FHIT: variants seen among roughly 807,000 people sequenced by gnomAD.
FHIT encodes fragile histidine triad diadenosine triphosphatase.
In FHIT, 19 loss-of-function variants were observed where a neutral mutation model predicts 17.9. The ratio of observed to expected loss-of-function variants is 1.06; its 90% CI spans 0.74 to 1.56. The LOEUF (loss-of-function observed/expected upper bound fraction) is 1.56, where lower values mean the gene tolerates loss of function less well. FHIT is among the 40% of genes most tolerant of loss of function. FHIT has a pLI of 0.00. For missense variants in FHIT, 248 were observed against 189.2 expected, an observed-to-expected ratio of 1.31 and a Z score of -1.82; for synonymous variants, 81 against 69.7, an observed-to-expected ratio of 1.16 and a Z score of -0.81.
chr3:60,052,760 G>T (rs1701932421), intron 5 of FHIT, among the ~76,000 whole-genome samples: 1 of 147,566 alleles, frequency 6.8e-6, no homozygotes. Context: ...TATACATAGT[G>T]TATATAAATA....
At chr3:60,158,789 C>T (rs1700815917) in intron 5 of FHIT, among the ~76,000 whole-genome samples, 1 of 152,126 alleles carries the variant, frequency 6.6e-6, no homozygotes, top group Admixed American at 6.5e-5. Flanking sequence ...AAAATTATCC[C>T]CACTTTGTGA....
intron 8 of FHIT, among the ~76,000 whole-genome samples, chr3:59,828,162 T>G (rs1359109833): frequency 6.6e-6 from 1 of 152,206 alleles, no homozygotes; most frequent in Non-Finnish European, 1.5e-5. Flanking sequence ...AAAGAAATAG[T>G]GGTTTTATTT....
At chr3:60,329,113 AT>A (rs1264028161) in intron 5 of FHIT, among the ~76,000 whole-genome samples, 1 of 152,240 alleles carries the variant, frequency 6.6e-6, no homozygotes, top group East Asian at 1.9e-4. Context: ...GATGAGAACC[AT>A]GACAAATAGT....
intron 2 of FHIT, among the ~76,000 whole-genome samples, chr3:61,058,532 G>C (rs1300288336): frequency 6.6e-6 from 1 of 152,136 alleles, no homozygotes; most frequent in African/African-American, 2.4e-5. Flanking sequence ...CCTCCTTGCT[G>C]TTCTCGCAAT....
intron 2 of FHIT, among the ~76,000 whole-genome samples, chr3:61,067,771 AG>A (rs2034662531): frequency 6.6e-6 from 1 of 152,188 alleles, no homozygotes; most frequent in African/African-American, 2.4e-5. Flanking sequence ...GAGATGGTCA[AG>A]GGCCAGTCTT....
chr3:60,684,403 C>G (rs968418162), intron 4 of FHIT, among the ~76,000 whole-genome samples: 3 of 152,132 alleles, frequency 2.0e-5, no homozygotes, highest in Non-Finnish European at 4.4e-5. Context: ...CAATATTCAA[C>G]TTGGCACACT....
chr3:60,327,072 T>C (rs763164261), intron 5 of FHIT, among the ~76,000 whole-genome samples: 7 of 152,184 alleles, frequency 4.6e-5, no homozygotes, highest in Non-Finnish European at 1.0e-4. Context: ...CCTGCACCAG[T>C]GACAGCACCT....
At chr3:60,666,984 A>T (rs1211425290) in intron 4 of FHIT, among the ~76,000 whole-genome samples, 2 of 138,566 alleles carry the variant, frequency 1.4e-5, no homozygotes, top group East Asian at 4.3e-4. Context: ...CCTCCTGAGT[A>T]GCTGGGACTA....
At chr3:60,205,542 G>A (rs1256682015) in intron 5 of FHIT, among the ~76,000 whole-genome samples, 1 of 152,138 alleles carries the variant, frequency 6.6e-6, no homozygotes. Context: ...TTTGAGCAAA[G>A]GAGTTGGGGA....
intron 8 of FHIT, among the ~76,000 whole-genome samples, chr3:59,764,433 G>A (rs1413950090): frequency 6.6e-6 from 1 of 152,078 alleles, no homozygotes; most frequent in African/African-American, 2.4e-5. Flanking sequence ...TCTACAATAG[G>A]ATCATTCTGC....
intron 5 of FHIT, among the ~76,000 whole-genome samples, chr3:60,273,547 T>G (rs1559779097): frequency 6.6e-6 from 1 of 152,098 alleles, no homozygotes; most frequent in Non-Finnish European, 1.5e-5. Flanking sequence ...AGGCAGAGGC[T>G]GCAGTGAGCT....
intron 3 of FHIT, among the ~76,000 whole-genome samples, chr3:60,931,341 G>A (rs1210423897): frequency 6.6e-6 from 1 of 152,026 alleles, no homozygotes; most frequent in African/African-American, 2.4e-5. Flanking sequence ...TTGTGCACAT[G>A]TACCCTAAAA....
At chr3:60,851,790 A>T (rs1256594201) in intron 3 of FHIT, among the ~76,000 whole-genome samples, 1 of 152,172 alleles carries the variant, frequency 6.6e-6, no homozygotes, top group Non-Finnish European at 1.5e-5. Flanking sequence ...TTACAAGTTC[A>T]ATTTAAAAAA....
At chr3:60,365,221 C>G (rs1394928772) in intron 5 of FHIT, among the ~76,000 whole-genome samples, 3 of 150,560 alleles carry the variant, frequency 2.0e-5, no homozygotes, top group Middle Eastern at 3.2e-3. Flanking sequence ...TCTGGAAAAT[C>G]AAAATTCAAC....
intron 8 of FHIT, among the ~76,000 whole-genome samples, chr3:59,765,576 C>T (rs902839131): frequency 1.3e-5 from 2 of 152,350 alleles, no homozygotes; most frequent in African/African-American, 4.8e-5. Context: ...CATTGACAAG[C>T]TGTGCTGAGA....
chr3:60,744,254 AAAACAAAACAAAAC>A (rs1221699688), intron 4 of FHIT, among the ~76,000 whole-genome samples: 3 of 70,794 alleles, frequency 4.2e-5, no homozygotes, highest in African/African-American at 2.3e-4. Context: ...TGTAAAAAAA[AAAACAAAACAAAAC>A]AAAAAAAAAA....
At chr3:60,081,413 T>C (rs1209031278) in intron 5 of FHIT, among the ~76,000 whole-genome samples, 1 of 152,126 alleles carries the variant, frequency 6.6e-6, no homozygotes, top group Non-Finnish European at 1.5e-5. Flanking sequence ...CACTTACTTC[T>C]CTGTATCACA....
chr3:60,348,788 G>C (rs895279331), intron 5 of FHIT, among the ~76,000 whole-genome samples: 1 of 152,228 alleles, frequency 6.6e-6, no homozygotes, highest in African/African-American at 2.4e-5. Flanking sequence ...GACTTGAAAA[G>C]GCTTTGTGTA....
chr3:60,248,607 G>A (rs1705524893), intron 5 of FHIT, among the ~76,000 whole-genome samples: 1 of 152,120 alleles, frequency 6.6e-6, no homozygotes, highest in Non-Finnish European at 1.5e-5. Flanking sequence ...AAATTTGTCA[G>A]GAGGGAGTAA....
Sources: gnomAD v4.1 joint callset for allele counts (sites outside exome capture counted in the v4.1 genomes callset) on GRCh38, gnomAD v4.1.1 for gene constraint, MANE v1.5 for transcripts, NCBI Gene and HGNC (gene_info 2026-07-23, HGNC 2026-07-21) for gene names.